The following DCTN1 variants were observed in gnomAD, a reference collection of about 807,000 sequenced individuals.
The protein encoded by DCTN1 is 150 kDa dynein-associated polypeptide.
Under a neutral mutation model 161.2 loss-of-function variants are expected in DCTN1, and 61 were observed. The ratio of observed to expected loss-of-function variants is 0.38; its 90% confidence interval spans 0.31 to 0.47. The LOEUF (loss-of-function observed/expected upper bound fraction) is 0.47, where lower values mean the gene tolerates loss of function less well. Ranked by LOEUF, DCTN1 falls within the 20% of genes least tolerant of loss-of-function variation. The pLI is 0.99. For missense variants in DCTN1, 1,404 were observed against 1,623.7 expected, an observed-to-expected ratio of 0.86 and a Z score of 2.33; for synonymous variants, 653 against 632.4, an observed-to-expected ratio of 1.03 and a Z score of -0.49.
chr2:74,389,683 A>G (rs914516054), intron 1 of DCTN1, among the ~76,000 whole-genome samples: 3 of 152,144 alleles, frequency 2.0e-5, no homozygotes, highest in African/African-American at 7.2e-5. Flanking sequence ...CTGCCATGTA[A>G]TAGCTTTGAA....
chr2:74,366,543 A>G lies in DCTN1; in HGVS notation c.2544T>C (p.Ala848=), dbSNP rs1371265373. ...CTGCCAGTGGGGCAATGAGCTGGGC[A>G]GCAGCAGCTGCCACCTCCTGCAGCA... is the stretch of plus-strand genomic sequence containing the variant. ...VAVLQEVAAA[A]AQLIAPLAEN... Residue 848 remains alanine (A), a synonymous_variant, in exon 22 of 32, where the codon GCT becomes GCC. Transcript: ENST00000628224. The G allele has an allele frequency of 8.7e-6, 14 of 1,613,894 alleles. No homozygotes were observed. Among genetic ancestry groups the G allele is most frequent in the Admixed American group, 5.0e-5 (3 of 60,012 alleles).
Position 74,370,036 on chromosome 2 carries a change from C to A in DCTN1, c.1321G>T (p.Glu441Ter). 6.2e-7 allele frequency: 1 copy of A among 1,614,184 alleles called. No individual in the cohort carries two copies. The highest frequency in any genetic ancestry group is 8.5e-7 in the Non-Finnish European group (1 of 1,180,042). ...TTCAGGTTCCGATCTGTCAGCATCT[C>A]CACCATCTCCTCAGCACCCAGAGCA... The part of the protein sequence containing the change: ...DAALGAEEMV[E>*]MLTDRNLNLE... Residue 441 changes from glutamate (E) to a stop codon, truncating the protein, a stop_gained, in exon 13 of 32, where the codon GAG becomes TAG. Transcript: ENST00000628224. LOFTEE classifies it high-confidence loss of function. The surrounding 1 kb of genome is among the most constrained non-coding windows in gnomAD (Gnocchi z 4.4).
At chr2:74,379,396 T>A (rs1675404990) in intron 1 of DCTN1, among the ~76,000 whole-genome samples, 1 of 152,128 alleles carries the variant, frequency 6.6e-6, no homozygotes, top group Admixed American at 6.5e-5. Flanking sequence ...TCCCAGCCTA[T>A]CACTGCCTAA....
intron 5 of DCTN1, 80 bp downstream of exon 5, chr2:74,376,662 G>T: frequency 2.2e-6 from 3 of 1,360,100 alleles, no homozygotes; most frequent in Non-Finnish European, 3.1e-6. Context: ...CATGCATGCA[G>T]CAGCCCAGGG....
intron 30 of DCTN1, 100 bp from the exon 31 acceptor site, chr2:74,362,241 G>C (rs1276343091): frequency 5.8e-6 from 6 of 1,030,386 alleles, no homozygotes; most frequent in Non-Finnish European, 9.0e-6. Context: ...CAGGGGGGCA[G>C]GGACTTAGTC....
intron 29 of DCTN1, 127 bp from the exon 30 acceptor site, chr2:74,362,856 A>C: frequency 7.5e-7 from 1 of 1,326,602 alleles, no homozygotes; most frequent in Non-Finnish European, 1.1e-6. Flanking sequence ...TGGGTGAATC[A>C]AACAAACTGA....
At chr2:74,384,961 G>A (rs546175132), upstream of DCTN1, 1 of 152,372 alleles carries the variant, frequency 6.6e-6, no homozygotes, top group East Asian at 1.9e-4. Flanking sequence ...TGGAGGCTGG[G>A]AGACTGGAAG....
At position 74,369,591 on chromosome 2, in the gene DCTN1, C is replaced by T. The variant is rs776856099; in HGVS notation, c.1393-100G>A. 20 of 1,220,704 alleles carry T rather than the reference C, an allele frequency of 1.6e-5. No individual in the cohort carries two copies. The highest frequency in any genetic ancestry group is 4.6e-5 in the East Asian group (2 of 43,164). The allele number at this position is 1,220,704 out of a possible 1,614,324, so 75.6% of individuals were successfully genotyped here. On this transcript the variant is annotated intron_variant, in intron 13 of 31. Transcript: ENST00000628224. The surrounding 1 kb of genome is among the most constrained non-coding windows in gnomAD (Gnocchi z 4.9). ...CAGCACTTTGGGAGGTCAAAGCAGG[C>T]GGATCATGAGGTCGAGATCGAGATC...
intron 1 of DCTN1, among the ~76,000 whole-genome samples, chr2:74,386,161 C>A (rs1675720152): frequency 1.3e-5 from 2 of 152,182 alleles, no homozygotes; most frequent in African/African-American, 4.8e-5. Context: ...CACCATCATG[C>A]CCACAAACTG....
At chr2:74,374,641 C>G (rs2103697560) in intron 5 of DCTN1, 3 of 1,221,704 alleles carry the variant, frequency 2.5e-6, no homozygotes, top group South Asian at 1.6e-5. Flanking sequence ...GCCCAGTTCA[C>G]CAGCTTAGGC....
chr2:74,381,745 T>C (rs1442200577), upstream of DCTN1, among the ~76,000 whole-genome samples: 2 of 152,204 alleles, frequency 1.3e-5, no homozygotes, highest in African/African-American at 2.4e-5. Flanking sequence ...TTAACATCTC[T>C]ATGCCTCAAT....
Position 74,369,614 on chromosome 2 carries a change from A to T in DCTN1, c.1393-123T>A. On this transcript the variant is annotated intron_variant, in intron 13 of 31. Coordinates refer to ENST00000628224, the MANE Select transcript of DCTN1 (RefSeq NM_004082.5). This position sits in a 1 kb window ranked among gnomAD's most constrained non-coding sequence, Gnocchi z 4.9. ...GGCGGATCATGAGGTCGAGATCGAG[A>T]TCATGCTGGCCAACATGGTGAAACC... 1 of 1,013,766 alleles carries T rather than the reference A, an allele frequency of 9.9e-7. No individual in the cohort carries two copies. The highest frequency in any genetic ancestry group is 1.3e-5 in the South Asian group (1 of 78,280). 62.8% of individuals were successfully genotyped at this position (1,013,766 alleles called of 1,614,324 possible). A position where few individuals can be genotyped will look rare whatever the true frequency, so the allele number is the denominator to read the frequency against.
chr2:74,370,031 C>T lies in DCTN1; in HGVS notation c.1326G>A (p.Met442Ile). 5 of 1,614,202 alleles carry T rather than the reference C, an allele frequency of 3.1e-6. No individual in the cohort carries two copies. Among genetic ancestry groups the T allele is most frequent in the Non-Finnish European group, 4.2e-6 (5 of 1,180,046 alleles). Residue 442 changes from methionine (M) to isoleucine (I), a missense_variant, in exon 13 of 32, where the codon ATG becomes ATA. Physicochemically the swap from Met to Ile is conservative, Grantham distance 10 (BLOSUM62 1). Coordinates refer to ENST00000628224, the MANE Select transcript of DCTN1 (RefSeq NM_004082.5). This position sits in a 1 kb window ranked among gnomAD's most constrained non-coding sequence, Gnocchi z 4.4. ...CCAGATTCAGGTTCCGATCTGTCAG[C>T]ATCTCCACCATCTCCTCAGCACCCA... ...AALGAEEMVE[M>I]LTDRNLNLEE...
Position 74,378,021 on chromosome 2 carries a change from G to A in DCTN1, c.258C>T (p.Gly86=), listed in dbSNP as rs140054458. Residue 86 remains glycine (G), a synonymous_variant, in exon 2 of 32, where the codon GGC becomes GGT. Transcript: ENST00000628224. ...ATACCTGGGACTGGCGCACAAAGAT[G>A]CCATGCCCTTCATCACAAGTGAAGT... ...RKYFTCDEGH[G]IFVRQSQIQV... The A allele has an allele frequency of 1.2e-6, 2 of 1,614,262 alleles. No individual in the cohort carries two copies. The highest frequency in any genetic ancestry group is 1.7e-6 in the Non-Finnish European group (2 of 1,180,038).
Position 74,368,725 on chromosome 2 carries a change from T to G in DCTN1, c.1854+3A>C. 1 of 1,614,162 alleles carries G rather than the reference T, an allele frequency of 6.2e-7. No homozygotes were observed. The highest frequency in any genetic ancestry group is 8.5e-7 in the Non-Finnish European group (1 of 1,180,006). ...TGTGGAACATGTGATTGATTGGCCA[T>G]ACCTTGCAAATGAGACGAGGCATGA... On this transcript the variant is annotated splice_donor_region_variant and intron_variant, in intron 16 of 31. Transcript: ENST00000628224.
At chr2:74,363,512 T>A (rs1011509571) in intron 27 of DCTN1, 85 bp from the exon 28 acceptor site, 31 of 1,596,650 alleles carry the variant, frequency 1.9e-5, no homozygotes, top group African/African-American at 4.0e-5. Flanking sequence ...CCTTTCCTCA[T>A]CCCCCCATCA....
chr2:74,364,853 A>C (rs1674283107), intron 26 of DCTN1: 2 of 604,382 alleles, frequency 3.3e-6, no homozygotes, highest in Non-Finnish European at 5.9e-6. Context: ...TCTGAGCCTC[A>C]TTAACAATTT....
chr2:74,371,482 T>C (rs1043666894), intron 8 of DCTN1, 55 bp downstream of exon 8: 5 of 1,506,304 alleles, frequency 3.3e-6, no homozygotes, highest in Non-Finnish European at 4.5e-6. Context: ...ACACAGCGGG[T>C]AGCCACAAGC....
intron 8 of DCTN1, 169 bp downstream of exon 8, chr2:74,371,367 AG>A: frequency 7.5e-7 from 1 of 1,340,508 alleles, no homozygotes; most frequent in Non-Finnish European, 1.0e-6. Context: ...CATAAGGGCA[AG>A]AAAGGAAAGG....
Sources: allele counts gnomAD v4.1 joint callset (sites outside exome capture counted in the v4.1 genomes callset), GRCh38; gene constraint gnomAD v4.1.1; non-coding constraint Gnocchi (gnomAD v3.1); transcripts MANE v1.5; gene names NCBI Gene and HGNC (gene_info 2026-07-23, HGNC 2026-07-21).